The following SH3TC1 variants were observed in gnomAD, a reference collection of about 807,000 sequenced individuals.
The protein encoded by SH3TC1 is SH3 domain and tetratricopeptide repeats 1, also known as SH3 domain and tetratricopeptide repeat-containing protein 1.
SH3TC1 carries 135 observed loss-of-function variants against 117.3 expected under a neutral mutation model. The observed-to-expected ratio is 1.15, with a 90% confidence interval of 1.00 to 1.33. The LOEUF (loss-of-function observed/expected upper bound fraction) is 1.33. Ranked by LOEUF, SH3TC1 falls within the 40% of genes most tolerant of loss-of-function variation. The pLI is 0.00. For synonymous variants in SH3TC1, 898 were observed against 816.9 expected, an observed-to-expected ratio of 1.10 and a Z score of -1.69; for missense variants, 2,092 against 1,794.3, an observed-to-expected ratio of 1.17 and a Z score of -3.00.
chr4:8,185,602 C>G (rs1408871346), intron 1 of SH3TC1, among the ~76,000 whole-genome samples: 1 of 152,224 alleles, frequency 6.6e-6, no homozygotes, highest in Non-Finnish European at 1.5e-5. Flanking sequence ...CTGAAGCTTG[C>G]TTTTTTCTGC....
At chr4:8,200,140 C>T (rs1321413968) in intron 1 of SH3TC1, among the ~76,000 whole-genome samples, 8 of 152,204 alleles carry the variant, frequency 5.3e-5, no homozygotes, top group African/African-American at 1.9e-4. Context: ...AGATGAATAG[C>T]AAAGTGACGC....
chr4:8,229,513 GTGAGC>G, intron 12 of SH3TC1, among the ~76,000 whole-genome samples: 1 of 139,238 alleles, frequency 7.2e-6, no homozygotes, highest in African/African-American at 2.8e-5. Flanking sequence ...GTGTGAGCGG[GTGAGC>G]GGGGATGAGT....
rs995843768 is a variant in SH3TC1 at position 8,192,827 on chromosome 4, G to A, written c.-57+10617G>A. Among the ~76,000 whole-genome samples the A allele has an allele frequency of 6.6e-6, 1 of 152,132 alleles. No homozygotes were observed. Among genetic ancestry groups the A allele is most frequent in the Non-Finnish European group, 1.5e-5 (1 of 68,028 alleles). On this transcript the variant is annotated intron_variant, in intron 1 of 16. Transcript: ENST00000508641. The surrounding 1 kb of genome is among the most constrained non-coding windows in gnomAD (Gnocchi z 4.1). ...TATTTGTTGCCTTCTCTTCTGCTCC[G>A]AGTTTAGGTTCATGTCGCCACCTGG...
At position 8,216,999 on chromosome 4, in the gene SH3TC1, T is replaced by G. The variant is rs773414467; in HGVS notation, c.671T>G (p.Met224Arg). ...TGTCCTGACCACCATGTGAGAGTGA[T>G]GACGGGTCCCCGGGATGCAGGAAAT... is the stretch of plus-strand genomic sequence containing the variant. ...VLCPDHHVRV[M>R]TGPRDAGNGP... Residue 224 changes from methionine to arginine, a missense_variant, in exon 7 of 18, where the codon ATG (methionine) becomes AGG (arginine). Transcript: ENST00000245105. The G allele has an allele frequency of 1.9e-6, 3 of 1,613,800 alleles. No individual in the cohort carries two copies. Among genetic ancestry groups the G allele is most frequent in the Non-Finnish European group, 2.5e-6 (3 of 1,179,936 alleles).
intron 2 of SH3TC1, among the ~76,000 whole-genome samples, chr4:8,207,615 C>G (rs1218960845): frequency 1.3e-5 from 2 of 152,190 alleles, no homozygotes; most frequent in African/African-American, 4.8e-5. Flanking sequence ...CCCAGTTATC[C>G]ATTGATTTAT....
At chr4:8,216,838 C>CT in intron 6 of SH3TC1, 119 bp from the exon 7 acceptor site, 2 of 1,029,850 alleles carry the variant, frequency 1.9e-6, no homozygotes, top group Non-Finnish European at 3.0e-6. Flanking sequence ...CCTGCAGACA[C>CT]TGGGGGGGCC....
intron 2 of SH3TC1, among the ~76,000 whole-genome samples, chr4:8,208,488 C>T (rs1718388125): frequency 6.6e-6 from 1 of 152,034 alleles, no homozygotes; most frequent in Admixed American, 6.6e-5. Context: ...CTGCCTCAGC[C>T]TCCCGAGTAG....
chr4:8,230,388 G>A (rs1005140285), intron 12 of SH3TC1, among the ~76,000 whole-genome samples: 10 of 152,210 alleles, frequency 6.6e-5, no homozygotes, highest in South Asian at 2.1e-4. Context: ...CTCCCACCTC[G>A]GCCTCACAAA....
At chr4:8,216,516 C>G (rs1420682135) in intron 6 of SH3TC1, among the ~76,000 whole-genome samples, 2 of 152,210 alleles carry the variant, frequency 1.3e-5, no homozygotes, top group East Asian at 1.9e-4. Flanking sequence ...GTGCCAGTCC[C>G]CAGCTCGTGT....
In SH3TC1 at chr4:8,225,780, T is replaced by G. The variant is rs1184729959; in HGVS notation, c.1285+564T>G. On this transcript the variant is annotated intron_variant, in intron 11 of 17. Coordinates refer to ENST00000245105, the MANE Select transcript of SH3TC1 (RefSeq NM_018986.5). The surrounding 1 kb of genome is among the most constrained non-coding windows in gnomAD (Gnocchi z 5.5). The stretch of plus-strand genomic sequence containing the variant: ...ACCCCAAGAGCCCTCGGAAGTTCCC[T>G]GGGAATGGGATCCATTCCAGTACAT... 6.6e-6 allele frequency among the ~76,000 whole-genome samples: 1 copy of G among 152,152 alleles called. No homozygotes were observed. Among genetic ancestry groups the G allele is most frequent in the Non-Finnish European group, 1.5e-5 (1 of 68,026 alleles).
rs1718176422 is a variant in SH3TC1 at position 8,206,007 on chromosome 4, C to T, written c.172+641C>T. On this transcript the variant is annotated intron_variant, in intron 2 of 17. Coordinates refer to ENST00000245105, the MANE Select transcript of SH3TC1 (RefSeq NM_018986.5). The surrounding 1 kb of genome is among the most constrained non-coding windows in gnomAD (Gnocchi z 5.5). ...GGGCCTCGTCCTCCCAGTGTCCAGCCTCAGCCCAGTCTCCTCTTAGCTGCC... is the reference window on the plus strand; with the variant it reads ...GGGCCTCGTCCTCCCAGTGTCCAGCTTCAGCCCAGTCTCCTCTTAGCTGCC... 1 of 342,994 alleles carries T rather than the reference C, an allele frequency of 2.9e-6. No individual in the cohort carries two copies. Among genetic ancestry groups the T allele is most frequent in the South Asian group, 6.3e-5 (1 of 15,952 alleles). The allele number at this position is 342,994 out of a possible 1,614,324, so 21.2% of individuals were successfully genotyped here.
At chr4:8,223,448 G>A (rs1296643725) in intron 10 of SH3TC1, among the ~76,000 whole-genome samples, 6 of 152,200 alleles carry the variant, frequency 3.9e-5, no homozygotes, top group South Asian at 2.1e-4. Context: ...CAGGGCTGCC[G>A]TCTCCTAAGG....
At chr4:8,226,879 C>T (rs566313673) in intron 11 of SH3TC1, 101 bp from the exon 12 acceptor site, 4 of 820,120 alleles carry the variant, frequency 4.9e-6, no homozygotes, top group Non-Finnish European at 7.2e-6. Context: ...GAAAGTGCTG[C>T]GCCGGGGACA....
chr4:8,208,865 C>T (rs527443854), intron 2 of SH3TC1, among the ~76,000 whole-genome samples: 22 of 152,360 alleles, frequency 1.4e-4, no homozygotes, highest in Non-Finnish European at 2.2e-4. Flanking sequence ...CTGAGTGAGA[C>T]GTCTAGGAGG....
intron 7 of SH3TC1, among the ~76,000 whole-genome samples, chr4:8,217,889 A>G (rs1719450858): frequency 6.6e-6 from 1 of 152,202 alleles, no homozygotes; most frequent in South Asian, 2.1e-4. Context: ...TGGCAAAGTC[A>G]CAGTGGTACT....
chr4:8,221,735 C>A (rs542371500), intron 9 of SH3TC1, among the ~76,000 whole-genome samples: 1 of 152,318 alleles, frequency 6.6e-6, no homozygotes, highest in South Asian at 2.1e-4. Flanking sequence ...GAAATGAACG[C>A]AGATACAATG....
chr4:8,230,873 G>A (rs541605261), intron 12 of SH3TC1, among the ~76,000 whole-genome samples: 4 of 148,738 alleles, frequency 2.7e-5, no homozygotes, highest in East Asian at 2.0e-4. Context: ...ACCTCTACCC[G>A]GGTTCAAGCC....
At chr4:8,188,748 C>T (rs750426635) in intron 1 of SH3TC1, among the ~76,000 whole-genome samples, 5 of 152,252 alleles carry the variant, frequency 3.3e-5, no homozygotes, top group Non-Finnish European at 5.9e-5. Context: ...GCCCCTGTGA[C>T]GCCACCTGGG....
Position 8,192,447 on chromosome 4 carries a change from C to CTTTTATTTTATTTTATTTTAT in SH3TC1, c.-57+10240_-57+10241insTATTTTATTTTATTTTATTTT, listed in dbSNP as rs1022844300. Reference sequence around the variant, plus strand: ...ACAATCTTCTTATCCAACCACTTGTCTTTATTTTATTTTATTTTATTTTAT... The same window carrying CTTTTATTTTATTTTATTTTAT: ...ACAATCTTCTTATCCAACCACTTGTCTTTTATTTTATTTTATTTTATTTTATTTTATTTTATTTTATTTTAT... On this transcript the variant is annotated intron_variant, in intron 1 of 16. Coordinates refer to the SH3TC1 transcript ENST00000508641. The surrounding 1 kb of genome is among the most constrained non-coding windows in gnomAD (Gnocchi z 4.1). Among the ~76,000 whole-genome samples the CTTTTATTTTATTTTATTTTAT allele has an allele frequency of 2.3e-4, 32 of 138,462 alleles. No homozygotes were observed. Among genetic ancestry groups the CTTTTATTTTATTTTATTTTAT allele is most frequent in the African/African-American group, 8.6e-4 (32 of 37,090 alleles). 90.8% of individuals were successfully genotyped at this position (138,462 alleles called of 152,430 possible). A position where few individuals can be genotyped will look rare whatever the true frequency, so the allele number is the denominator to read the frequency against.
Sources: allele counts gnomAD v4.1 joint callset (sites outside exome capture counted in the v4.1 genomes callset), GRCh38; gene constraint gnomAD v4.1.1; non-coding constraint Gnocchi (gnomAD v3.1); transcripts MANE v1.5; gene names NCBI Gene and HGNC (gene_info 2026-07-23, HGNC 2026-07-21).